Variants in FAS observed in about 807,000 individuals in gnomAD.
The protein encoded by FAS is Fas cell surface death receptor.
FAS carries 5 observed loss-of-function variants against 33.2 expected under a neutral mutation model. The observed-to-expected ratio is 0.15, with a 90% confidence interval of 0.08 to 0.32. FAS has a LOEUF of 0.32. Ranked by LOEUF, FAS falls within the 10% of genes least tolerant of loss-of-function variation. The probability of loss-of-function intolerance (pLI) is 1.00; values close to 1 mark genes in which losing one functional copy is unlikely to be tolerated. For missense variants in FAS, 339 were observed against 386.0 expected (o/e 0.88, Z 1.02); for synonymous variants, 131 against 130.7 (o/e 1.00, Z -0.01).
At chr10:88,977,604 T>G (rs1846598321) in intron 2 of FAS, among the ~76,000 whole-genome samples, 1 of 148,032 alleles carries the variant, frequency 6.8e-6, no homozygotes, top group African/African-American at 2.5e-5. Flanking sequence ...GAACAGACAC[T>G]TCTCAAAAGA....
chr10:88,980,809 A>G (rs559094653), intron 2 of FAS, among the ~76,000 whole-genome samples: 2 of 152,358 alleles, frequency 1.3e-5, no homozygotes, highest in East Asian at 3.9e-4. Flanking sequence ...CTCAATTCCA[A>G]ATGAATCTGG....
exon 2 of FAS, chr10:88,973,249 A>G: frequency 2.5e-6 from 4 of 1,612,676 alleles, no homozygotes; most frequent in Non-Finnish European, 3.4e-6. Flanking sequence ...AAAATTGGCT[A>G]TGGACCAAAT....
intron 1 of FAS, among the ~76,000 whole-genome samples, chr10:88,993,305 A>ATTTTTTTTTTTTTTTTTTTT (rs59583029): frequency 6.7e-6 from 1 of 148,908 alleles, no homozygotes. Flanking sequence ...TGTGGGTTGC[A>ATTTTTTTTTTTTTTTTTTTT]TTTTTTTTTT....
intron 1 of FAS, among the ~76,000 whole-genome samples, chr10:88,996,674 A>G (rs1421318123): frequency 1.3e-5 from 2 of 152,262 alleles, no homozygotes; most frequent in East Asian, 3.8e-4. Context: ...TTAGCTAATT[A>G]TCTTCCAAAA....
upstream of FAS, among the ~76,000 whole-genome samples, chr10:88,985,527 A>G (rs910867058): frequency 6.6e-6 from 1 of 151,888 alleles, no homozygotes; most frequent in Non-Finnish European, 1.5e-5. Flanking sequence ...ATCCCATTCC[A>G]CATTCTCTTT....
chr10:88,985,450 A>G (rs1353374689), upstream of FAS, among the ~76,000 whole-genome samples: 1 of 152,228 alleles, frequency 6.6e-6, no homozygotes, highest in Non-Finnish European at 1.5e-5. Context: ...CCTTCTGCAG[A>G]AAACCACCTA....
At chr10:89,010,874 G>T in intron 6 of FAS, 59 bp downstream of exon 6, 1 of 1,591,294 alleles carries the variant, frequency 6.3e-7, no homozygotes, top group Non-Finnish European at 8.6e-7. Flanking sequence ...AGTTCACAAA[G>T]ATTTGCCTCA....
chr10:88,967,857 T>C (rs1183908993), intron 1 of FAS, among the ~76,000 whole-genome samples: 1 of 152,204 alleles, frequency 6.6e-6, no homozygotes, highest in East Asian at 1.9e-4. Flanking sequence ...GTTGTTCCCT[T>C]TCTTCCTCTG....
chr10:88,992,682 A>C (rs1332798638), intron 1 of FAS: 2 of 152,352 alleles, frequency 1.3e-5, no homozygotes, highest in East Asian at 3.8e-4. Flanking sequence ...ATAAATGCAG[A>C]TGAGTCAAAT....
rs914406030 is a variant in FAS, at chr10:89,015,018, T to C, written c.*568T>C. On this transcript the variant is annotated 3_prime_UTR_variant, in exon 9 of 9. Transcript: ENST00000652046. ...TAAATAAGGCTCTACCTCAAAGACCTTTGCACAGTTTATTGGTGTCATATT... is the reference window on the plus strand; with the variant it reads ...TAAATAAGGCTCTACCTCAAAGACCCTTGCACAGTTTATTGGTGTCATATT... 1.9e-6 allele frequency: 1 copy of C among 533,382 alleles called. No individual in the cohort carries two copies. The highest frequency in any genetic ancestry group is 1.9e-5 in the African/African-American group (1 of 53,818). 33.0% of individuals were successfully genotyped at this position (533,382 alleles called of 1,614,324 possible). A position where few individuals can be genotyped will look rare whatever the true frequency, so the allele number is the denominator to read the frequency against.
At chr10:88,981,226 AC>A (rs1846703387) in intron 2 of FAS, among the ~76,000 whole-genome samples, 1 of 152,210 alleles carries the variant, frequency 6.6e-6, no homozygotes, top group Admixed American at 6.5e-5. Flanking sequence ...AACTCACCTA[AC>A]CTATGTTTCT....
At chr10:88,972,058 A>G (rs894564743) in intron 1 of FAS, among the ~76,000 whole-genome samples, 1 of 151,884 alleles carries the variant, frequency 6.6e-6, no homozygotes, top group East Asian at 1.9e-4. Flanking sequence ...ACAGGCTCAC[A>G]CCACCACGCC....
intron 3 of FAS, 79 bp from the exon 4 acceptor site, chr10:89,008,810 A>T: frequency 7.5e-7 from 1 of 1,325,752 alleles, no homozygotes; most frequent in Non-Finnish European, 1.1e-6. Context: ...TCAAAAATCC[A>T]TGCAGCTCCT....
intron 2 of FAS, among the ~76,000 whole-genome samples, chr10:88,975,779 AC>A (rs1846548689): frequency 6.6e-6 from 1 of 152,206 alleles, no homozygotes; most frequent in South Asian, 2.1e-4. Context: ...GCAGGAGGTG[AC>A]TTGGTGACTT....
At chr10:88,998,124 C>T (rs774229042) in intron 1 of FAS, among the ~76,000 whole-genome samples, 3 of 151,878 alleles carry the variant, frequency 2.0e-5, no homozygotes, top group South Asian at 2.1e-4. Flanking sequence ...TGGGTGGCTA[C>T]AGTTTTGGGG....
chr10:88,967,619 G>A (rs778304680), intron 1 of FAS, among the ~76,000 whole-genome samples: 121 of 152,114 alleles, frequency 8.0e-4, no homozygotes, highest in Non-Finnish European at 1.5e-3. Context: ...ACCAAATCAG[G>A]TATCAGAGCC....
rs1848712215 is a variant in FAS, at chr10:89,014,737, A to G, written c.*287A>G. 1 of 597,024 alleles carries G rather than the reference A, an allele frequency of 1.7e-6. No homozygotes were observed. Among genetic ancestry groups the G allele is most frequent in the Non-Finnish European group, 3.1e-6 (1 of 318,886 alleles). The allele number at this position is 597,024 out of a possible 1,614,324, so 37.0% of individuals were successfully genotyped here. On this transcript the variant is annotated 3_prime_UTR_variant, in exon 9 of 9. Coordinates refer to ENST00000652046, the MANE Select transcript of FAS (RefSeq NM_000043.6). The stretch of plus-strand genomic sequence containing the variant: ...TGAAAGATTAAGATTATGCTCTGGC[A>G]TCTAACATATGATTCTGTAGTATGA...
intron 1 of FAS, among the ~76,000 whole-genome samples, chr10:88,998,042 C>A (rs539672420): frequency 1.3e-5 from 2 of 152,288 alleles, no homozygotes; most frequent in African/African-American, 4.8e-5. Flanking sequence ...ACTAATGTCT[C>A]ACAAATCAAG....
chr10:88,999,793 C>T (rs1436091764), intron 1 of FAS, among the ~76,000 whole-genome samples: 2 of 152,248 alleles, frequency 1.3e-5, no homozygotes, highest in Non-Finnish European at 2.9e-5. Context: ...GTCTCATTGG[C>T]AACCAGCAAC....
Sources: gnomAD v4.1 joint callset for allele counts (sites outside exome capture counted in the v4.1 genomes callset) on GRCh38, gnomAD v4.1.1 for gene constraint, MANE v1.5 for transcripts, NCBI Gene and HGNC (gene_info 2026-07-23, HGNC 2026-07-21) for gene names.